JAZF1: variants seen among roughly 807,000 people sequenced by gnomAD.
The protein encoded by JAZF1 is JAZF zinc finger 1.
Under a neutral mutation model 26.4 loss-of-function variants are expected in JAZF1, and 8 were observed. That is an observed-to-expected ratio of 0.30 (90% confidence interval 0.18 to 0.55). JAZF1 has a LOEUF of 0.55. Among genes scored for constraint, JAZF1 ranks in the 20% least tolerant of loss-of-function variants. JAZF1 has a pLI of 0.94. For missense variants in JAZF1, 199 were observed against 322.0 expected (o/e 0.62, Z 2.92); for synonymous variants, 126 against 122.3 (o/e 1.03, Z -0.20).
intron 1 of JAZF1, among the ~76,000 whole-genome samples, chr7:28,126,037 T>C (rs1284293005): frequency 6.6e-6 from 1 of 152,176 alleles, no homozygotes; most frequent in Non-Finnish European, 1.5e-5. Context: ...TAAGGCAGCC[T>C]TCCTCAGCTA....
intron 2 of JAZF1, among the ~76,000 whole-genome samples, chr7:27,970,434 C>CAAACA (rs550301794): frequency 0.01 from 1,581 of 152,012 alleles, 27 homozygotes; most frequent in African/African-American, 0.033. Context: ...TGAACCTGGA[C>CAAACA]AAACAAAACA....
chr7:28,173,473 A>G (rs1360466178), intron 1 of JAZF1, among the ~76,000 whole-genome samples: 1 of 152,214 alleles, frequency 6.6e-6, no homozygotes, highest in Non-Finnish European at 1.5e-5. Context: ...AGACATATAC[A>G]TGTATTATTT....
chr7:27,932,796 T>C (rs1195337136), intron 2 of JAZF1, among the ~76,000 whole-genome samples: 1 of 152,210 alleles, frequency 6.6e-6, no homozygotes, highest in Non-Finnish European at 1.5e-5. Flanking sequence ...ACTATTTACG[T>C]GTGTGGTGAC....
intron 2 of JAZF1, among the ~76,000 whole-genome samples, chr7:27,930,896 G>T (rs1373188472): frequency 6.6e-6 from 1 of 151,946 alleles, no homozygotes; most frequent in Admixed American, 6.5e-5. Flanking sequence ...GCCATCAGCA[G>T]GACAGTGGTA....
chr7:28,003,378 CA>C (rs1472642918), intron 1 of JAZF1, among the ~76,000 whole-genome samples: 1 of 152,158 alleles, frequency 6.6e-6, no homozygotes, highest in Non-Finnish European at 1.5e-5. Flanking sequence ...ATCATCATGT[CA>C]AATTATGGCT....
At chr7:27,877,366 G>A (rs1783695858) in intron 3 of JAZF1, among the ~76,000 whole-genome samples, 1 of 152,096 alleles carries the variant, frequency 6.6e-6, no homozygotes, top group African/African-American at 2.4e-5. Flanking sequence ...CTTTGGAAGC[G>A]AACATGGAAA....
Position 28,092,228 on chromosome 7 carries a change from A to AT in JAZF1, c.115+88234dup, listed in dbSNP as rs890835486. ...AACTATCAACTTCTAATTAGTTTCA[A>AT]TTTTTTTTTTAACCTGACAGCAATA... On this transcript the variant is annotated intron_variant, in intron 1 of 4. Coordinates refer to ENST00000283928, the MANE Select transcript of JAZF1 (RefSeq NM_175061.4). 4.8e-4 allele frequency among the ~76,000 whole-genome samples: 61 copies of AT among 126,542 alleles called. No homozygotes were observed. The South Asian group carries it at 0.013, about 28-fold the overall frequency. The allele number at this position is 126,542 out of a possible 152,430, so 83.0% of individuals were successfully genotyped here. A position where few individuals can be genotyped will look rare whatever the true frequency, so the allele number is the denominator to read the frequency against.
At chr7:27,996,156 C>A (rs1562553317) in intron 1 of JAZF1, among the ~76,000 whole-genome samples, 1 of 152,196 alleles carries the variant, frequency 6.6e-6, no homozygotes, top group African/African-American at 2.4e-5. Context: ...TCAGGTGAGG[C>A]TAATTAACGA....
intron 4 of JAZF1, among the ~76,000 whole-genome samples, chr7:27,836,893 A>G (rs1290710398): frequency 2.0e-5 from 3 of 152,228 alleles, no homozygotes; most frequent in Non-Finnish European, 4.4e-5. Context: ...AGAGGATAAA[A>G]AAGAACAGAC....
intron 1 of JAZF1, among the ~76,000 whole-genome samples, chr7:28,146,169 C>T (rs542908367): frequency 6.6e-6 from 1 of 152,188 alleles, no homozygotes; most frequent in South Asian, 2.1e-4. Context: ...GGCAAGCCAA[C>T]AAGAATTTAA....
chr7:27,855,406 C>G (rs1273886711), intron 3 of JAZF1, among the ~76,000 whole-genome samples: 3 of 151,618 alleles, frequency 2.0e-5, no homozygotes, highest in African/African-American at 7.3e-5. Context: ...CACAAAAAAC[C>G]CTTCAAAAAA....
At chr7:27,902,697 A>G (rs1487715666) in intron 2 of JAZF1, among the ~76,000 whole-genome samples, 1 of 152,190 alleles carries the variant, frequency 6.6e-6, no homozygotes, top group Non-Finnish European at 1.5e-5. Context: ...GTGCTTAACA[A>G]ATGTCAGGTT....
At chr7:28,008,664 T>C (rs1012714630) in intron 1 of JAZF1, among the ~76,000 whole-genome samples, 1 of 152,232 alleles carries the variant, frequency 6.6e-6, no homozygotes, top group Non-Finnish European at 1.5e-5. Flanking sequence ...ATAAAGAACT[T>C]AGATTTCATT....
chr7:27,907,025 TAGA>T (rs1784269807), intron 2 of JAZF1, among the ~76,000 whole-genome samples: 1 of 151,482 alleles, frequency 6.6e-6, no homozygotes, highest in Non-Finnish European at 1.5e-5. Flanking sequence ...CCCCATAAAC[TAGA>T]AGAAATTTAA....
intron 2 of JAZF1, among the ~76,000 whole-genome samples, chr7:27,898,647 C>G (rs1482947541): frequency 6.6e-6 from 1 of 152,074 alleles, no homozygotes; most frequent in Non-Finnish European, 1.5e-5. Flanking sequence ...CTATAAACAA[C>G]CATAACAACA....
intron 2 of JAZF1, among the ~76,000 whole-genome samples, chr7:27,935,351 A>G (rs971107221): frequency 1.3e-5 from 2 of 152,260 alleles, no homozygotes; most frequent in African/African-American, 4.8e-5. Flanking sequence ...CCATATTCAT[A>G]CACAAGAACA....
chr7:28,152,722 G>A (rs1783128754), intron 1 of JAZF1, among the ~76,000 whole-genome samples: 1 of 152,186 alleles, frequency 6.6e-6, no homozygotes, highest in South Asian at 2.1e-4. Context: ...TTACAGATAA[G>A]AAAGTAGTGA....
intron 3 of JAZF1, among the ~76,000 whole-genome samples, chr7:27,884,422 G>A (rs547078107): frequency 4.6e-5 from 7 of 152,284 alleles, no homozygotes; most frequent in Admixed American, 3.3e-4. Flanking sequence ...CCACTGCATC[G>A]GGCAGGTATA....
At chr7:28,114,097 A>C (rs1784703362) in intron 1 of JAZF1, among the ~76,000 whole-genome samples, 1 of 152,204 alleles carries the variant, frequency 6.6e-6, no homozygotes, top group African/African-American at 2.4e-5. Context: ...GAGAAGGACA[A>C]TGGGAATATT....
Sources: allele counts gnomAD v4.1 joint callset (sites outside exome capture counted in the v4.1 genomes callset), GRCh38; gene constraint gnomAD v4.1.1; transcripts MANE v1.5; gene names NCBI Gene and HGNC (gene_info 2026-07-23, HGNC 2026-07-21).